Variants in CUX2 observed in about 807,000 individuals in gnomAD.
CUX2 encodes cut like homeobox 2, also known as homeobox protein cut-like 2.
A neutral mutation model predicts 144.8 loss-of-function variants in CUX2; 40 were observed. The observed-to-expected ratio is 0.28, with a 90% CI of 0.21 to 0.36. The LOEUF (loss-of-function observed/expected upper bound fraction) is 0.36. Ranked by LOEUF, CUX2 falls within the 10% of genes least tolerant of loss-of-function variation. The pLI, the probability that CUX2 is intolerant of heterozygous loss-of-function variation, is 1.00. For synonymous variants in CUX2, 827 were observed against 875.6 expected, an observed-to-expected ratio of 0.94 and a Z score of 0.98; for missense variants, 1,615 against 1,994.0, an observed-to-expected ratio of 0.81 and a Z score of 3.62.
chr12:111,343,500 C>T (rs1347351781), intron 21 of CUX2, among the ~76,000 whole-genome samples: 1 of 152,126 alleles, frequency 6.6e-6, no homozygotes, highest in East Asian at 1.9e-4. Flanking sequence ...ATCCACTCAT[C>T]CATTCCAGGG....
intron 1 of CUX2, among the ~76,000 whole-genome samples, chr12:111,048,968 C>T (rs1160965142): frequency 6.6e-6 from 1 of 152,128 alleles, no homozygotes; most frequent in East Asian, 1.9e-4. Context: ...TCCACTCATC[C>T]ACCACCCACC....
chr12:111,262,040 G>C (rs1884154542), intron 3 of CUX2, among the ~76,000 whole-genome samples: 1 of 152,140 alleles, frequency 6.6e-6, no homozygotes, highest in South Asian at 2.1e-4. Flanking sequence ...GATAATTCCT[G>C]ATGTTCTGTT....
rs764172744 is a variant in CUX2 at position 111,035,078 on chromosome 12, G to A, written c.63+838G>A. On this transcript the variant is annotated intron_variant, in intron 1 of 21. Transcript: ENST00000261726. The surrounding 1 kb of genome is among the most constrained non-coding windows in gnomAD (Gnocchi z 6.0). Reference sequence around the variant, plus strand: ...CTGCCTCCAGGGCGGTGGAGAGCCGGGAGCGGCGCAGAGCAGGTGACTCCC... The same window carrying A: ...CTGCCTCCAGGGCGGTGGAGAGCCGAGAGCGGCGCAGAGCAGGTGACTCCC... 6.6e-6 allele frequency among the ~76,000 whole-genome samples: 1 copy of A among 152,150 alleles called. No homozygotes were observed. Among genetic ancestry groups the A allele is most frequent in the Non-Finnish European group, 1.5e-5 (1 of 68,018 alleles).
chr12:111,325,489 C>T (rs1167651677), intron 18 of CUX2, among the ~76,000 whole-genome samples: 1 of 152,174 alleles, frequency 6.6e-6, no homozygotes, highest in Non-Finnish European at 1.5e-5. Context: ...AGGCCATCAT[C>T]CAGTGAGTGG....
chr12:111,312,287 C>A lies in CUX2; in HGVS notation c.2002+86C>A. ...GAGGCTTCGTCTACCTTTGTCCACCCCAGAGGGAATCCAAGGTGGATCAGA... is the reference window on the plus strand; with the variant it reads ...GAGGCTTCGTCTACCTTTGTCCACCACAGAGGGAATCCAAGGTGGATCAGA... On this transcript the variant is annotated intron_variant, in intron 16 of 21. Coordinates refer to ENST00000261726, the MANE Select transcript of CUX2 (RefSeq NM_015267.4). The surrounding 1 kb of genome is among the most constrained non-coding windows in gnomAD (Gnocchi z 4.3). The A allele has an allele frequency of 8.2e-7, 1 of 1,223,630 alleles. No homozygotes were observed. The highest frequency in any genetic ancestry group is 1.2e-6 in the Non-Finnish European group (1 of 867,032). 75.8% of individuals were successfully genotyped at this position (1,223,630 alleles called of 1,614,324 possible).
intron 4 of CUX2, among the ~76,000 whole-genome samples, chr12:111,267,919 TCAAA>T (rs1329030635): frequency 2.6e-5 from 4 of 152,182 alleles, no homozygotes; most frequent in Non-Finnish European, 5.9e-5. Context: ...ACTTCTGGGC[TCAAA>T]CAATCTTCCT....
intron 1 of CUX2, among the ~76,000 whole-genome samples, chr12:111,075,149 G>T (rs1287723072): frequency 6.9e-6 from 1 of 145,936 alleles, no homozygotes; most frequent in Non-Finnish European, 1.5e-5. Flanking sequence ...CGCTCTCCCT[G>T]GCTCTGGAGG....
At chr12:111,182,617 G>T (rs942626970) in intron 1 of CUX2, among the ~76,000 whole-genome samples, 1 of 152,222 alleles carries the variant, frequency 6.6e-6, no homozygotes, top group Non-Finnish European at 1.5e-5. Context: ...AGCTGGCTCC[G>T]CTTGGAATTG....
At chr12:111,117,924 G>C (rs1225405367) in intron 1 of CUX2, among the ~76,000 whole-genome samples, 4 of 152,196 alleles carry the variant, frequency 2.6e-5, no homozygotes, top group African/African-American at 9.7e-5. Context: ...CTCAGGCTCA[G>C]AGAAGCAAAC....
In CUX2 at chr12:111,320,427, G is replaced by A. The variant is rs1309760500; in HGVS notation, c.2418G>A (p.Ser806=). The A allele has an allele frequency of 3.1e-6, 5 of 1,597,244 alleles. No homozygotes were observed. The highest frequency in any genetic ancestry group is 4.2e-6 in the Non-Finnish European group (5 of 1,178,688). The change falls in exon 17 of 22, where the codon TCG becomes TCA. Residue 806 remains serine (S), a synonymous_variant. Coordinates refer to ENST00000261726, the MANE Select transcript of CUX2 (RefSeq NM_015267.4). The surrounding 1 kb of genome is among the most constrained non-coding windows in gnomAD (Gnocchi z 8.1). ...GCCCCTACGCCTCCGTGTCGCCCTC[G>A]CTGTCCTCCTCCTCCTCCTCTGGCT... ...LSRPYASVSP[S]LSSSSSSGYS...
chr12:111,124,588 G>T (rs1874918187), intron 1 of CUX2, among the ~76,000 whole-genome samples: 1 of 152,134 alleles, frequency 6.6e-6, no homozygotes, highest in Admixed American at 6.5e-5. Flanking sequence ...AATATTTTTA[G>T]GTTTTATGGC....
At chr12:111,229,968 C>T (rs1007051639) in intron 3 of CUX2, among the ~76,000 whole-genome samples, 2 of 148,854 alleles carry the variant, frequency 1.3e-5, no homozygotes, top group South Asian at 2.1e-4. Context: ...GAACTGAGAT[C>T]GTGCCACTGC....
At chr12:111,075,127 C>T (rs1460776689) in intron 1 of CUX2, among the ~76,000 whole-genome samples, 1 of 151,088 alleles carries the variant, frequency 6.6e-6, no homozygotes, top group Non-Finnish European at 1.5e-5. Context: ...GAGCCCTGCT[C>T]ACAGGAGCAG....
At chr12:111,158,472 TAAA>T (rs781038202) in intron 1 of CUX2, among the ~76,000 whole-genome samples, 2 of 122,024 alleles carry the variant, frequency 1.6e-5, no homozygotes, top group East Asian at 2.3e-4. Flanking sequence ...TAATTTTTAT[TAAA>T]AAAAAAAAAA....
At chr12:111,150,907 C>G (rs1007535227) in intron 1 of CUX2, among the ~76,000 whole-genome samples, 4 of 151,440 alleles carry the variant, frequency 2.6e-5, no homozygotes, top group African/African-American at 9.7e-5. Flanking sequence ...GGAAGGAAAC[C>G]CCCCCAGCCT....
intron 1 of CUX2, among the ~76,000 whole-genome samples, chr12:111,136,286 AGT>A (rs1262346258): frequency 6.6e-6 from 1 of 152,090 alleles, no homozygotes; most frequent in Non-Finnish European, 1.5e-5. Context: ...GCACGTGGGA[AGT>A]GAGAGAGAGA....
intron 3 of CUX2, among the ~76,000 whole-genome samples, chr12:111,260,362 G>A (rs1456943246): frequency 1.3e-5 from 2 of 152,010 alleles, no homozygotes; most frequent in East Asian, 3.9e-4. Flanking sequence ...TACTCGGGAG[G>A]CTGAGGCAGG....
intron 16 of CUX2, among the ~76,000 whole-genome samples, chr12:111,315,996 G>A (rs548104752): frequency 6.6e-6 from 1 of 152,160 alleles, no homozygotes; most frequent in Non-Finnish European, 1.5e-5. Flanking sequence ...AATATTTCAC[G>A]TGGTTGCTCC....
At chr12:111,183,310 C>T (rs1472698471) in intron 1 of CUX2, among the ~76,000 whole-genome samples, 1 of 152,206 alleles carries the variant, frequency 6.6e-6, no homozygotes, top group Non-Finnish European at 1.5e-5. Flanking sequence ...GGCATTTGGG[C>T]CTCCAAGCCT....
Sources: allele counts gnomAD v4.1 joint callset (sites outside exome capture counted in the v4.1 genomes callset), GRCh38; gene constraint gnomAD v4.1.1; non-coding constraint Gnocchi (gnomAD v3.1); transcripts MANE v1.5; gene names NCBI Gene and HGNC (gene_info 2026-07-23, HGNC 2026-07-21).